CSMD1: variants seen among roughly 807,000 people sequenced by gnomAD.
CSMD1 encodes the protein CUB and sushi domain-containing protein 1.
Under a neutral mutation model 417.5 loss-of-function variants are expected in CSMD1, and 213 were observed. That is an observed-to-expected ratio of 0.51 (90% confidence interval 0.46 to 0.57). The LOEUF is 0.57. Ranked by LOEUF, CSMD1 falls within the 20% of genes least tolerant of loss-of-function variation. CSMD1 has a pLI of 0.00. For missense variants in CSMD1, 6,923 were observed against 4,529.7 expected, an observed-to-expected ratio of 1.53 and a Z score of -15.17; for synonymous variants, 2,862 against 1,736.8, an observed-to-expected ratio of 1.65 and a Z score of -16.11.
At chr8:4,571,566 G>T (rs1264190243) in intron 2 of CSMD1, among the ~76,000 whole-genome samples, 1 of 152,112 alleles carries the variant, frequency 6.6e-6, no homozygotes, top group African/African-American at 2.4e-5. Flanking sequence ...TTCCAATTAT[G>T]TGGTCCATTT....
chr8:3,094,800 C>CAAAAAAAAAA (rs33991879), intron 47 of CSMD1, among the ~76,000 whole-genome samples: 2 of 105,408 alleles, frequency 1.9e-5, no homozygotes, highest in Admixed American at 1.0e-4. Flanking sequence ...GCCCGTCTTA[C>CAAAAAAAAAA]AAAAAAAAAA....
intron 3 of CSMD1, among the ~76,000 whole-genome samples, chr8:4,187,151 T>A (rs1286848254): frequency 2.0e-4 from 1 of 5,030 alleles, no homozygotes; most frequent in Non-Finnish European, 3.7e-3. Context: ...ATTGATTTAC[T>A]GCTTGTAGTA....
At chr8:4,677,146 A>T (rs983453716) in intron 1 of CSMD1, among the ~76,000 whole-genome samples, 1 of 148,438 alleles carries the variant, frequency 6.7e-6, no homozygotes, top group African/African-American at 2.4e-5. Context: ...AAAATAATAT[A>T]TACATTATAT....
At chr8:4,044,724 G>C (rs1306828514) in intron 3 of CSMD1, among the ~76,000 whole-genome samples, 8 of 152,004 alleles carry the variant, frequency 5.3e-5, no homozygotes, top group Non-Finnish European at 5.9e-5. Flanking sequence ...ATAGCACCCT[G>C]GACACGTACC....
intron 49 of CSMD1, among the ~76,000 whole-genome samples, chr8:3,072,079 A>T (rs1813357128): frequency 6.6e-6 from 1 of 152,230 alleles, no homozygotes; most frequent in African/African-American, 2.4e-5. Context: ...TTTTTAGAAG[A>T]AAATCAATAG....
chr8:3,942,986 T>C (rs917192395), intron 5 of CSMD1, among the ~76,000 whole-genome samples: 1 of 152,114 alleles, frequency 6.6e-6, no homozygotes, highest in African/African-American at 2.4e-5. Context: ...ACCAGTACGT[T>C]ACTAAGGGGA....
intron 1 of CSMD1, among the ~76,000 whole-genome samples, chr8:4,837,767 T>A (rs1216017577): frequency 6.6e-6 from 1 of 152,156 alleles, no homozygotes; most frequent in Non-Finnish European, 1.5e-5. Context: ...CTACATTGTT[T>A]GTAACTCAAA....
At chr8:4,748,973 C>G (rs1371914770) in intron 1 of CSMD1, among the ~76,000 whole-genome samples, 2 of 152,208 alleles carry the variant, frequency 1.3e-5, no homozygotes, top group Non-Finnish European at 2.9e-5. Context: ...CTAATAAGTT[C>G]TAAGCTACTG....
At chr8:4,798,011 CATTTTT>C (rs1446312349) in intron 1 of CSMD1, among the ~76,000 whole-genome samples, 1 of 152,180 alleles carries the variant, frequency 6.6e-6, no homozygotes, top group Non-Finnish European at 1.5e-5. Context: ...AATCTCGAAG[CATTTTT>C]ATTTTTTTAT....
At chr8:4,903,482 G>T (rs893463) in intron 1 of CSMD1, among the ~76,000 whole-genome samples, 152,260 of 152,332 alleles carry the variant, frequency 1, 76,094 homozygotes, top group Middle Eastern at 1. Context: ...AATGTATATC[G>T]TTAATGTTTT....
At chr8:3,412,961 C>G (rs1028700145) in intron 12 of CSMD1, among the ~76,000 whole-genome samples, 1 of 152,166 alleles carries the variant, frequency 6.6e-6, no homozygotes, top group African/African-American at 2.4e-5. Context: ...TGGCATAGCA[C>G]AAATCTGTGC....
At chr8:4,561,288 C>T (rs150004531) in intron 2 of CSMD1, among the ~76,000 whole-genome samples, 1 of 152,250 alleles carries the variant, frequency 6.6e-6, no homozygotes, top group African/African-American at 2.4e-5. Flanking sequence ...GCAGGGGAAT[C>T]GTTTGAACTC....
chr8:4,068,180 G>C (rs1320270815), intron 3 of CSMD1, among the ~76,000 whole-genome samples: 2 of 152,210 alleles, frequency 1.3e-5, no homozygotes, highest in African/African-American at 2.4e-5. Flanking sequence ...TCTTAGGAAA[G>C]GGGTGGCAGA....
At chr8:4,631,480 G>C (rs908069095) in intron 2 of CSMD1, among the ~76,000 whole-genome samples, 1 of 151,362 alleles carries the variant, frequency 6.6e-6, no homozygotes, top group Non-Finnish European at 1.5e-5. Flanking sequence ...CAGAAAAGCA[G>C]AATTTAGGCA....
intron 2 of CSMD1, among the ~76,000 whole-genome samples, chr8:4,526,863 G>C (rs1796539767): frequency 6.6e-6 from 1 of 151,896 alleles, no homozygotes; most frequent in Non-Finnish European, 1.5e-5. Context: ...AGAAGACATA[G>C]GATATTTAGC....
chr8:3,512,924 G>T (rs973102647), intron 10 of CSMD1, among the ~76,000 whole-genome samples: 2 of 152,004 alleles, frequency 1.3e-5, no homozygotes, highest in Non-Finnish European at 2.9e-5. Flanking sequence ...TAACACGTGG[G>T]CCCGTTGTAT....
intron 18 of CSMD1, chr8:3,373,760 C>T (rs1425144477): frequency 1.3e-5 from 2 of 152,138 alleles, no homozygotes; most frequent in Non-Finnish European, 2.9e-5. Flanking sequence ...TTTACTGTTG[C>T]TGTCCTTAAT....
intron 17 of CSMD1, among the ~76,000 whole-genome samples, chr8:3,390,472 G>C (rs1811286366): frequency 6.7e-6 from 1 of 149,292 alleles, no homozygotes; most frequent in Non-Finnish European, 1.5e-5. Context: ...AATTTACCTT[G>C]TGGGAAAGGT....
At position 4,600,869 on chromosome 8, in the gene CSMD1, G is replaced by A. The variant is rs115744634; in HGVS notation, c.302+36473C>T. Among the ~76,000 whole-genome samples, 905 of 151,856 alleles carry A rather than the reference G, an allele frequency of 6.0e-3. 7 individuals are homozygous for A. The highest frequency in any genetic ancestry group is 0.021 in the African/African-American group (853 of 41,414). On this transcript the variant is annotated intron_variant, in intron 2 of 69. Transcript: ENST00000635120. ...TCTGACTTTAAAAGGTTTGCTTATC[G>A]CCACATTTATACAGACTGTTGAGGA... is the stretch of plus-strand genomic sequence containing the variant.
Sources: allele counts gnomAD v4.1 joint callset (sites outside exome capture counted in the v4.1 genomes callset), GRCh38; gene constraint gnomAD v4.1.1; transcripts MANE v1.5; gene names NCBI Gene and HGNC (gene_info 2026-07-23, HGNC 2026-07-21).